The following CYB5R4 variants were observed in gnomAD, a reference collection of about 807,000 sequenced individuals.
CYB5R4 encodes N-terminal cytochrome b5 and cytochrome b5 oxidoreductase domain-containing protein.
A neutral mutation model predicts 70.2 loss-of-function variants in CYB5R4; 55 were observed. That is an observed-to-expected ratio of 0.78 (90% CI 0.63 to 0.98). The LOEUF (loss-of-function observed/expected upper bound fraction) is 0.98, where lower values mean the gene tolerates loss of function less well. Among genes scored for constraint, CYB5R4 ranks in the 50% least tolerant of loss-of-function variants. The pLI, the probability that CYB5R4 is intolerant of heterozygous loss-of-function variation, is 0.00. For synonymous variants in CYB5R4, 197 were observed against 199.5 expected (o/e 0.99, Z 0.11); for missense variants, 562 against 612.6 (o/e 0.92, Z 0.87).
intron 2 of CYB5R4, among the ~76,000 whole-genome samples, chr6:83,884,194 G>T (rs2099459906): frequency 6.6e-6 from 1 of 151,658 alleles, no homozygotes; most frequent in African/African-American, 2.4e-5. Context: ...ATTATCTATT[G>T]ATAATTATCT....
chr6:83,892,137 A>G (rs982584233), intron 2 of CYB5R4, among the ~76,000 whole-genome samples: 1 of 152,194 alleles, frequency 6.6e-6, no homozygotes, highest in Non-Finnish European at 1.5e-5. Flanking sequence ...TGGGGAAGGA[A>G]AAAAGAGGGA....
intron 3 of CYB5R4, among the ~76,000 whole-genome samples, chr6:83,907,172 C>T (rs1588572093): frequency 6.6e-6 from 1 of 152,190 alleles, no homozygotes; most frequent in African/African-American, 2.4e-5. Flanking sequence ...AACTCCTGGG[C>T]TCAAGTGATC....
intron 10 of CYB5R4, among the ~76,000 whole-genome samples, chr6:83,931,012 G>T (rs2099468059): frequency 6.6e-6 from 1 of 152,100 alleles, no homozygotes; most frequent in East Asian, 1.9e-4. Context: ...GAGTATTCTG[G>T]CTGGTTTCAT....
At chr6:83,915,322 T>C (rs973415579) in intron 5 of CYB5R4, among the ~76,000 whole-genome samples, 20 of 152,230 alleles carry the variant, frequency 1.3e-4, no homozygotes, top group African/African-American at 4.8e-4. Flanking sequence ...ACTAACAAGC[T>C]AGATTGCCAG....
intron 5 of CYB5R4, 72 bp from the exon 6 acceptor site, chr6:83,917,933 A>G (rs572692453): frequency 4.4e-5 from 50 of 1,126,042 alleles, no homozygotes; most frequent in Non-Finnish European, 6.5e-5. Flanking sequence ...ATATTTCACT[A>G]AGAAGTTAAC....
intron 3 of CYB5R4, among the ~76,000 whole-genome samples, chr6:83,900,494 A>C (rs1256089393): frequency 2.6e-5 from 4 of 152,188 alleles, no homozygotes; most frequent in African/African-American, 9.6e-5. Context: ...CACTTGGTGC[A>C]GAGCTGAGTT....
At chr6:83,910,356 G>A (rs1387033678) in intron 4 of CYB5R4, 1 of 537,776 alleles carries the variant, frequency 1.9e-6, no homozygotes, top group Admixed American at 3.2e-5. Context: ...GGTTACTGGT[G>A]GAGAGAGGGA....
chr6:83,921,385 T>G (rs1351264781), intron 8 of CYB5R4, among the ~76,000 whole-genome samples: 1 of 152,216 alleles, frequency 6.6e-6, no homozygotes, highest in African/African-American at 2.4e-5. Context: ...GTTTAAGCAA[T>G]TAGATGCAAT....
intron 2 of CYB5R4, among the ~76,000 whole-genome samples, chr6:83,877,241 A>G (rs1262859402): frequency 1.3e-5 from 2 of 152,052 alleles, no homozygotes; most frequent in Admixed American, 6.6e-5. Context: ...TTGAGCATAC[A>G]TTTCTAGATT....
intron 4 of CYB5R4, chr6:83,910,079 C>A: frequency 6.2e-7 from 1 of 1,611,676 alleles, no homozygotes; most frequent in Non-Finnish European, 8.5e-7. Flanking sequence ...CAAACTCTGG[C>A]ACCTGTAGAG....
chr6:83,959,578 CTA>C (rs756598761), intron 15 of CYB5R4, among the ~76,000 whole-genome samples: 2 of 152,054 alleles, frequency 1.3e-5, no homozygotes, highest in Non-Finnish European at 2.9e-5. Context: ...TTGATTGAAA[CTA>C]TTTTTTAAAA....
intron 2 of CYB5R4, among the ~76,000 whole-genome samples, chr6:83,887,828 G>A (rs1054469549): frequency 6.6e-5 from 10 of 152,054 alleles, no homozygotes; most frequent in Non-Finnish European, 1.0e-4. Context: ...TGGGTAGATG[G>A]ATGGATAGAT....
chr6:83,865,468 T>G (rs1408536929), intron 2 of CYB5R4, among the ~76,000 whole-genome samples: 1 of 152,222 alleles, frequency 6.6e-6, no homozygotes, highest in Non-Finnish European at 1.5e-5. Context: ...GCCTCTCACC[T>G]AGCTTCTGGT....
At position 83,940,149 on chromosome 6, in the gene CYB5R4, G is replaced by T; in HGVS notation, c.1202G>T (p.Gly401Val). 6.2e-7 allele frequency: 1 copy of T among 1,611,206 alleles called. No homozygotes were observed. Among genetic ancestry groups the T allele is most frequent in the Middle Eastern group, 1.7e-4 (1 of 6,036 alleles). ...CTCTTTTTGTTGGCAGCTGGAACAG[G>T]CTTCACACCAATGGTTAAAATACTG... ...EDLFLLAAGT[G>V]FTPMVKILNY... Residue 401 changes from glycine (G) to valine (V), a missense_variant, in exon 13 of 16, where the codon GGC becomes GTC. Physicochemically the swap from Gly to Val is moderately radical, Grantham distance 109. Coordinates refer to ENST00000369681, the MANE Select transcript of CYB5R4 (RefSeq NM_016230.4).
chr6:83,930,739 G>A (rs928804307), intron 10 of CYB5R4, among the ~76,000 whole-genome samples: 3 of 151,140 alleles, frequency 2.0e-5, no homozygotes, highest in Non-Finnish European at 4.4e-5. Flanking sequence ...ATCTAGAATG[G>A]TGAAACTTCT....
At chr6:83,880,297 T>G (rs2099459242) in intron 2 of CYB5R4, among the ~76,000 whole-genome samples, 1 of 152,202 alleles carries the variant, frequency 6.6e-6, no homozygotes, top group Non-Finnish European at 1.5e-5. Context: ...TCTTTGCAGC[T>G]GACTTGTTTT....
intron 10 of CYB5R4, among the ~76,000 whole-genome samples, chr6:83,931,084 ATCAT>A (rs1233915483): frequency 6.6e-6 from 1 of 152,204 alleles, no homozygotes; most frequent in Non-Finnish European, 1.5e-5. Context: ...TTCTTATCAG[ATCAT>A]TCATATGCTC....
At position 83,962,128 on chromosome 6, in the gene CYB5R4, A is replaced by G. The variant is rs1473500759; in HGVS notation, c.*2250A>G. 5 of 152,206 alleles carry G rather than the reference A, an allele frequency of 3.3e-5. No individual in the cohort carries two copies. Among genetic ancestry groups the G allele is most frequent in the African/African-American group, 1.2e-4 (5 of 41,446 alleles). The allele number at this position is 152,206 out of a possible 1,614,324, so 9.4% of individuals were successfully genotyped here. ...CACCATCCACCTAGTAAGCCATTCT[A>G]GAACTATTAGGAATCAACATCAATG... On this transcript the variant is annotated 3_prime_UTR_variant, in exon 16 of 16. Transcript: ENST00000369681.
chr6:83,893,975 A>G (rs1186636428), intron 3 of CYB5R4, among the ~76,000 whole-genome samples: 1 of 152,216 alleles, frequency 6.6e-6, no homozygotes, highest in East Asian at 1.9e-4. Flanking sequence ...AACTTGCTGA[A>G]TCACTTTAAA....
Sources: gnomAD v4.1 joint callset for allele counts (sites outside exome capture counted in the v4.1 genomes callset) on GRCh38, gnomAD v4.1.1 for gene constraint, MANE v1.5 for transcripts, NCBI Gene and HGNC (gene_info 2026-07-23, HGNC 2026-07-21) for gene names.